The following ARPC1B variants were observed in gnomAD, a reference collection of about 807,000 sequenced individuals.
The protein encoded by ARPC1B is actin related protein 2/3 complex subunit 1B, also known as actin-related protein 2/3 complex subunit 1B.
A neutral mutation model predicts 46.0 loss-of-function variants in ARPC1B; 29 were observed. The observed-to-expected ratio is 0.63, with a 90% CI of 0.47 to 0.86. The LOEUF is 0.86. ARPC1B is among the 40% of genes least tolerant of loss of function. The probability of loss-of-function intolerance (pLI) is 0.00; values close to 1 mark genes in which losing one functional copy is unlikely to be tolerated. For missense variants in ARPC1B, 469 were observed against 529.4 expected (o/e 0.89, Z 1.12); for synonymous variants, 201 against 213.9 (o/e 0.94, Z 0.53).
chr7:99,391,752 C>CAAAA (rs36070836), intron 7 of ARPC1B, among the ~76,000 whole-genome samples: 1 of 115,680 alleles, frequency 8.6e-6, no homozygotes, highest in Non-Finnish European at 2.0e-5. Context: ...AAACCTGTCT[C>CAAAA]AAAAAAAAAA....
chr7:99,394,187 C>CAGGGA, intron 9 of ARPC1B, 68 bp downstream of exon 9: 1 of 1,500,216 alleles, frequency 6.7e-7, no homozygotes, highest in Non-Finnish European at 9.2e-7. Flanking sequence ...ATCCCCACTC[C>CAGGGA]CTGGAGATGA....
Position 99,394,505 on chromosome 7 carries a change from T to G in ARPC1B, c.*16T>G. ...GATCAAATGACCTGTGAGGAATATG[T>G]TGCCTTCATCCTAGCTGCTGGGGAA... On this transcript the variant is annotated 3_prime_UTR_variant, in exon 10 of 10. Transcript: ENST00000646101. 1.9e-6 allele frequency: 3 copies of G among 1,614,066 alleles called. No homozygotes were observed. Among genetic ancestry groups the G allele is most frequent in the Non-Finnish European group, 2.5e-6 (3 of 1,180,018 alleles).
Position 99,390,923 on chromosome 7 carries a change from G to T in ARPC1B, c.531G>T (p.Glu177Asp). Residue 177 changes from glutamate to aspartate, a missense_variant, in exon 6 of 10, where the codon GAG becomes GAT. Physicochemically the swap from Glu to Asp is conservative, Grantham distance 45. Transcript: ENST00000646101. ...TTTCAGCCTACATCAAGGAGGTGGA[G>T]GAACGGCCGGCACCCACCCCGTGGG... Reference protein sequence around the residue: ...RIFSAYIKEVEERPAPTPWGS... With the variant: ...RIFSAYIKEVDERPAPTPWGS... 6.2e-7 allele frequency: 1 copy of T among 1,611,436 alleles called. No individual in the cohort carries two copies.
chr7:99,391,378 T>C (rs1200007807), intron 7 of ARPC1B, 125 bp downstream of exon 7: 16 of 1,034,240 alleles, frequency 1.5e-5, no homozygotes, highest in East Asian at 2.6e-5. Context: ...CATTCTCTCA[T>C]GTACCAGAAT....
chr7:99,391,759 A>T (rs867865834), intron 7 of ARPC1B, among the ~76,000 whole-genome samples: 1 of 145,504 alleles, frequency 6.9e-6, no homozygotes, highest in African/African-American at 2.8e-5. Flanking sequence ...TCTCAAAAAA[A>T]AAAAAAAAAG....
At position 99,394,572 on chromosome 7, in the gene ARPC1B, A is replaced by G. The variant is rs1023112580; in HGVS notation, c.*83A>G. ...GGGAGGCTAATGGTTGCTTTGCTGA[A>G]TGTTTCTGGGGTACCAATACGAGTT... On this transcript the variant is annotated 3_prime_UTR_variant, in exon 10 of 10. Transcript: ENST00000646101. 2 of 1,607,284 alleles carry G rather than the reference A, an allele frequency of 1.2e-6. No individual in the cohort carries two copies. Among genetic ancestry groups the G allele is most frequent in the African/African-American group, 2.7e-5 (2 of 74,752 alleles).
chr7:99,389,112 T>C (rs1431574633), intron 4 of ARPC1B: 1 of 151,608 alleles, frequency 6.6e-6, no homozygotes, highest in Non-Finnish European at 1.5e-5. Flanking sequence ...AATTTTGTAT[T>C]TTTTAGTAGA....
In ARPC1B at chr7:99,392,796, G is replaced by A. The variant is rs150559408; in HGVS notation, c.909G>A (p.Gln303=). 1,357 of 1,550,106 alleles carry A rather than the reference G, an allele frequency of 8.8e-4. 15 individuals carry two copies. The East Asian group carries it at 0.028, about 31-fold the overall frequency. The part of the protein sequence containing the change: ...QRGLTARERF[Q]NLDKKASSEG... ...GCTTGACGGCCCGCGAGCGCTTCCA[G>A]AACCTGGACAAGAAGGCGAGCTCCG... The change falls in exon 8 of 10, where the codon CAG becomes CAA. Residue 303 remains glutamine (Q), a synonymous_variant. Transcript: ENST00000646101.
intron 7 of ARPC1B, 129 bp downstream of exon 7, chr7:99,391,382 C>T: frequency 9.9e-7 from 1 of 1,008,478 alleles, no homozygotes; most frequent in South Asian, 1.5e-5. Context: ...CTCTCATGTA[C>T]CAGAATTGGG....
intron 7 of ARPC1B, among the ~76,000 whole-genome samples, chr7:99,392,347 G>A (rs1794595023): frequency 1.3e-5 from 2 of 152,188 alleles, no homozygotes; most frequent in South Asian, 2.1e-4. Context: ...CATAATGGGG[G>A]TGCCAGGGCC....
intron 1 of ARPC1B, among the ~76,000 whole-genome samples, chr7:99,384,471 C>G (rs1191000531): frequency 6.6e-6 from 1 of 152,124 alleles, no homozygotes; most frequent in African/African-American, 2.4e-5. Context: ...GCTTGTAATC[C>G]CAGGAGTTCA....
intron 1 of ARPC1B, chr7:99,383,947 G>C (rs1025184229): frequency 6.6e-6 from 1 of 152,384 alleles, no homozygotes; most frequent in Non-Finnish European, 1.5e-5. Flanking sequence ...CAGGATTCCT[G>C]TTCCCATTTT....
intron 1 of ARPC1B, among the ~76,000 whole-genome samples, chr7:99,375,080 T>C (rs1186800725): frequency 7.0e-6 from 1 of 142,592 alleles, no homozygotes; most frequent in Non-Finnish European, 1.5e-5. Context: ...AGGGCCAGAC[T>C]GTGGAAACGC....
At chr7:99,386,642 G>A in intron 2 of ARPC1B, 43 bp from the exon 3 acceptor site, 1 of 1,460,668 alleles carries the variant, frequency 6.8e-7, no homozygotes, top group Non-Finnish European at 9.6e-7. Context: ...GCAGAGGGCA[G>A]TCATGGAGAG....
intron 1 of ARPC1B, among the ~76,000 whole-genome samples, chr7:99,384,852 CTTCAT>C (rs1274695272): frequency 2.1e-5 from 3 of 144,726 alleles, no homozygotes; most frequent in Non-Finnish European, 4.5e-5. Flanking sequence ...TATGAGATTA[CTTCAT>C]TTCTTTTTTT....
intron 7 of ARPC1B, chr7:99,392,197 T>C (rs1794590511): frequency 6.3e-6 from 1 of 158,620 alleles, no homozygotes; most frequent in African/African-American, 2.4e-5. Flanking sequence ...CACATTTTAT[T>C]GGCAGGTGCA....
intron 1 of ARPC1B, 124 bp from the exon 2 acceptor site, chr7:99,385,578 G>C (rs1794365296): frequency 3.8e-6 from 3 of 782,238 alleles, no homozygotes; most frequent in African/African-American, 1.7e-5. Flanking sequence ...GCAAACTGCT[G>C]CCCCTCTAAA....
chr7:99,394,533 G>GGGGAGAGGGGTCA lies in ARPC1B; in HGVS notation c.*50_*62dup. The GGGGAGAGGGGTCA allele has an allele frequency of 1.2e-6, 2 of 1,613,778 alleles. No homozygotes were observed. The highest frequency in any genetic ancestry group is 1.7e-6 in the Non-Finnish European group (2 of 1,179,960). On this transcript the variant is annotated 3_prime_UTR_variant, in exon 10 of 10. Transcript: ENST00000646101. ...CCTTCATCCTAGCTGCTGGGGAAGC[G>GGGGAGAGGGGTCA]GGGAGAGGGGTCAGGGAGGCTAATG...
At chr7:99,379,262 T>C (rs1794133256) in intron 1 of ARPC1B, among the ~76,000 whole-genome samples, 2 of 152,254 alleles carry the variant, frequency 1.3e-5, no homozygotes, top group Admixed American at 1.3e-4. Context: ...TAACCGGTGC[T>C]TTAATGGTAC....
Sources: allele counts gnomAD v4.1 joint callset (sites outside exome capture counted in the v4.1 genomes callset), GRCh38; gene constraint gnomAD v4.1.1; transcripts MANE v1.5; gene names NCBI Gene and HGNC (gene_info 2026-07-23, HGNC 2026-07-21).